Variants in BSPH1 observed in about 807,000 individuals in gnomAD.
BSPH1 encodes binder of sperm 1.
BSPH1 carries 21 observed loss-of-function variants against 22.5 expected under a neutral mutation model. That is an observed-to-expected ratio of 0.93 (90% CI 0.66 to 1.35). BSPH1 has a LOEUF of 1.35. BSPH1 is among the 40% of genes most tolerant of loss of function. BSPH1 has a pLI of 0.00. For synonymous variants in BSPH1, 42 were observed against 53.6 expected, an observed-to-expected ratio of 0.78 and a Z score of 0.95; for missense variants, 141 against 154.2, an observed-to-expected ratio of 0.91 and a Z score of 0.45.
intron 3 of BSPH1, among the ~76,000 whole-genome samples, chr19:47,978,779 C>T (rs60663622): frequency 0.079 from 12,097 of 152,240 alleles, 541 homozygotes; most frequent in East Asian, 0.2. Context: ...TTAGGCCATA[C>T]ATATATTTTC....
intron 5 of BSPH1, among the ~76,000 whole-genome samples, chr19:47,975,400 T>C (rs955882147): frequency 9.9e-5 from 15 of 152,206 alleles, no homozygotes; most frequent in Admixed American, 9.8e-4. Context: ...TCTTTGGACT[T>C]AGCCAGCTCT....
rs546221642 is a variant in BSPH1, at chr19:47,983,969, T to G, written c.74-3028A>C. On this transcript the variant is annotated intron_variant, in intron 1 of 5. Transcript: ENST00000344839. ...CTTCTGCCTCTGCCTCCCAAGTAGC[T>G]GGGACTACAGGTGTGCACCACCACC... 2.6e-5 allele frequency among the ~76,000 whole-genome samples: 4 copies of G among 151,686 alleles called. No homozygotes were observed. In the South Asian group the frequency reaches 8.4e-4, roughly 32 times the overall value.
chr19:47,967,403 C>T (rs1969269303), downstream of BSPH1, among the ~76,000 whole-genome samples: 1 of 152,118 alleles, frequency 6.6e-6, no homozygotes, highest in South Asian at 2.1e-4. Context: ...TTTGCTGGGG[C>T]TGCCATAAAA....
intron 1 of BSPH1, among the ~76,000 whole-genome samples, chr19:47,981,242 C>G (rs1250033453): frequency 7.7e-6 from 1 of 129,560 alleles, no homozygotes; most frequent in Non-Finnish European, 1.6e-5. Flanking sequence ...TAAACCACTT[C>G]ATCATAGGTT....
intron 5 of BSPH1, among the ~76,000 whole-genome samples, chr19:47,976,182 CTCTT>C (rs72296496): frequency 0.22 from 33,519 of 151,800 alleles, 3,754 homozygotes; most frequent in East Asian, 0.31. Flanking sequence ...AGGTGGGTCT[CTCTT>C]TCATCACAAC....
chr19:47,978,001 G>GATATATATATATATAT (rs10609973), intron 3 of BSPH1, among the ~76,000 whole-genome samples: 1,549 of 110,040 alleles, frequency 0.014, 21 homozygotes, highest in Middle Eastern at 0.032. Flanking sequence ...GTTAATACAG[G>GATATATATATATATAT]ATATATATAT....
At chr19:47,969,831 A>G (rs909863995) in intron 5 of BSPH1, among the ~76,000 whole-genome samples, 3 of 150,518 alleles carry the variant, frequency 2.0e-5, no homozygotes, top group Non-Finnish European at 3.0e-5. Flanking sequence ...TGAGAGAGAG[A>G]CTTTAGAATT....
At chr19:47,989,545 G>T (rs1969503603) in intron 1 of BSPH1, among the ~76,000 whole-genome samples, 2 of 149,766 alleles carry the variant, frequency 1.3e-5, no homozygotes, top group South Asian at 2.2e-4. Flanking sequence ...CAAGAACTGG[G>T]ACTCCCTTCA....
At chr19:47,974,755 T>C (rs1205446990) in intron 5 of BSPH1, among the ~76,000 whole-genome samples, 1 of 147,062 alleles carries the variant, frequency 6.8e-6, no homozygotes. Context: ...TGCACTATTA[T>C]CTATAGTTTC....
chr19:47,984,649 A>C (rs767828744), intron 1 of BSPH1, among the ~76,000 whole-genome samples: 50 of 152,334 alleles, frequency 3.3e-4, no homozygotes, highest in Non-Finnish European at 5.7e-4. Context: ...GTGCAGAAAC[A>C]GAAAACCAAA....
intron 1 of BSPH1, among the ~76,000 whole-genome samples, chr19:47,987,922 G>T (rs1428735795): frequency 1.3e-5 from 2 of 152,060 alleles, no homozygotes; most frequent in Non-Finnish European, 2.9e-5. Flanking sequence ...TTCAGTCCCG[G>T]GAGGCGGAGG....
chr19:47,974,407 T>C (rs1403308611), intron 5 of BSPH1, among the ~76,000 whole-genome samples: 1 of 151,646 alleles, frequency 6.6e-6, no homozygotes, highest in Non-Finnish European at 1.5e-5. Context: ...GTAGCTGGGA[T>C]TATAGGTGCC....
rs1305757358 is a variant in BSPH1, at chr19:47,968,178, CT to C, written c.*33del. 1 of 152,130 alleles carries C rather than the reference CT, an allele frequency of 6.6e-6. No individual in the cohort carries two copies. The highest frequency in any genetic ancestry group is 2.4e-5 in the African/African-American group (1 of 41,422). 9.4% of individuals were successfully genotyped at this position (152,130 alleles called of 1,614,324 possible). ...GCTGGATGCATCGATCATGTTTTGT[CT>C]GTATCTGATAGCCAGCAGATGCAAG... On this transcript the variant is annotated 3_prime_UTR_variant, in exon 6 of 6. Transcript: ENST00000344839.
At chr19:47,984,151 G>GA (rs66621103) in intron 1 of BSPH1, among the ~76,000 whole-genome samples, 1,837 of 138,604 alleles carry the variant, frequency 0.013, 39 homozygotes, top group Admixed American at 0.058. Context: ...CTGGCTTGAA[G>GA]AAAAAAAAAA....
intron 4 of BSPH1, 57 bp downstream of exon 4, chr19:47,977,316 T>C (rs375343426): frequency 6.5e-6 from 9 of 1,390,230 alleles, no homozygotes; most frequent in Non-Finnish European, 9.9e-7. Context: ...TTGCCTCAGA[T>C]CCCAGCCTCA....
intron 3 of BSPH1, among the ~76,000 whole-genome samples, chr19:47,978,757 A>T (rs772526269): frequency 3.5e-4 from 54 of 152,208 alleles, no homozygotes; most frequent in Non-Finnish European, 6.8e-4. Context: ...GCTTTAAAAG[A>T]TCTACTGGTC....
chr19:47,984,730 G>T (rs999748458), intron 1 of BSPH1, among the ~76,000 whole-genome samples: 3 of 152,066 alleles, frequency 2.0e-5, no homozygotes, highest in Non-Finnish European at 4.4e-5. Context: ...GGGAACAATA[G>T]GCACTGGGGA....
intron 1 of BSPH1, among the ~76,000 whole-genome samples, chr19:47,984,798 C>G (rs953894761): frequency 6.6e-6 from 1 of 151,964 alleles, no homozygotes; most frequent in Admixed American, 6.6e-5. Context: ...TATTGATGGC[C>G]GGGTGCAGTG....
At chr19:47,974,241 CT>C (rs1969338414) in intron 5 of BSPH1, among the ~76,000 whole-genome samples, 1 of 149,740 alleles carries the variant, frequency 6.7e-6, no homozygotes, top group Non-Finnish European at 1.5e-5. Flanking sequence ...GGATTGGTCA[CT>C]TCCACAGCCA....
Sources: gnomAD v4.1 joint callset for allele counts (sites outside exome capture counted in the v4.1 genomes callset) on GRCh38, gnomAD v4.1.1 for gene constraint, MANE v1.5 for transcripts, NCBI Gene and HGNC (gene_info 2026-07-23, HGNC 2026-07-21) for gene names.